Variants in TDRD9 observed in about 807,000 individuals in gnomAD.
TDRD9 encodes tudor domain containing 9.
A neutral mutation model predicts 172.6 loss-of-function variants in TDRD9; 124 were observed. That is an observed-to-expected ratio of 0.72 (90% CI 0.62 to 0.83). The LOEUF is 0.83. Ranked by LOEUF, TDRD9 falls within the 40% of genes least tolerant of loss-of-function variation. TDRD9 has a pLI of 0.00. For missense variants in TDRD9, 1,479 were observed against 1,714.1 expected, an observed-to-expected ratio of 0.86 and a Z score of 2.42; for synonymous variants, 619 against 617.1, an observed-to-expected ratio of 1.00 and a Z score of -0.05.
intron 30 of TDRD9, among the ~76,000 whole-genome samples, chr14:104,033,196 T>C (rs2035339021): frequency 6.6e-6 from 1 of 152,202 alleles, no homozygotes; most frequent in South Asian, 2.1e-4. Flanking sequence ...TCAAAATGTC[T>C]TCCGGGGAGC....
intron 34 of TDRD9, among the ~76,000 whole-genome samples, chr14:104,045,432 G>A (rs1431276253): frequency 2.1e-5 from 2 of 93,374 alleles, no homozygotes; most frequent in Non-Finnish European, 4.6e-5. Context: ...CAGATCTTTT[G>A]CCCATTTTTA....
intron 1 of TDRD9, among the ~76,000 whole-genome samples, chr14:103,950,761 A>G (rs564963993): frequency 1.1e-4 from 17 of 152,348 alleles, no homozygotes; most frequent in African/African-American, 3.8e-4. Context: ...AAATGGAGTC[A>G]TTAATGTTAA....
chr14:103,975,378 T>C lies in TDRD9; in HGVS notation c.847-11T>C. 1 of 1,606,042 alleles carries C rather than the reference T, an allele frequency of 6.2e-7. No homozygotes were observed. The highest frequency in any genetic ancestry group is 8.5e-7 in the Non-Finnish European group (1 of 1,175,894). ...CATTGTTTTATTTGAATGTTTTCTC[T>C]TACTCTGTAGGTGGTCCTGATGTCG... On this transcript the variant is annotated splice_polypyrimidine_tract_variant and intron_variant, in intron 6 of 35. Transcript: ENST00000409874.
At chr14:104,050,693 A>T (rs1431108169) in intron 35 of TDRD9, among the ~76,000 whole-genome samples, 1 of 152,162 alleles carries the variant, frequency 6.6e-6, no homozygotes, top group Non-Finnish European at 1.5e-5. Context: ...CCCAAGGCTG[A>T]TCCTGGCAGC....
intron 33 of TDRD9, among the ~76,000 whole-genome samples, 173 bp downstream of exon 33, chr14:104,040,507 T>A (rs2035583182): frequency 6.6e-6 from 1 of 152,218 alleles, no homozygotes; most frequent in East Asian, 1.9e-4. Flanking sequence ...GGACCGCTCC[T>A]TAACTTGCCA....
At chr14:104,046,202 G>A (rs1477139044) in intron 34 of TDRD9, among the ~76,000 whole-genome samples, 6 of 152,160 alleles carry the variant, frequency 3.9e-5, no homozygotes, top group Admixed American at 6.5e-5. Flanking sequence ...TGATCTGCCC[G>A]CCTCAGCCTC....
intron 8 of TDRD9, among the ~76,000 whole-genome samples, chr14:103,988,170 G>A (rs2033742018): frequency 7.0e-6 from 1 of 143,176 alleles, no homozygotes; most frequent in Non-Finnish European, 1.5e-5. Flanking sequence ...AACATATTCT[G>A]AGTGGGATAT....
chr14:103,966,891 G>T, intron 5 of TDRD9, 60 bp downstream of exon 5: 1 of 1,471,404 alleles, frequency 6.8e-7, no homozygotes. Flanking sequence ...AACTCTCAGA[G>T]TATTGTGAAC....
chr14:103,932,704 T>C (rs1471445485), intron 1 of TDRD9, among the ~76,000 whole-genome samples: 3 of 152,108 alleles, frequency 2.0e-5, no homozygotes, highest in Non-Finnish European at 4.4e-5. Flanking sequence ...ATGGCTTTTA[T>C]AAGCATAGGG....
chr14:104,005,206 G>A, intron 14 of TDRD9, 68 bp from the exon 15 acceptor site: 2 of 1,546,666 alleles, frequency 1.3e-6, no homozygotes, highest in Non-Finnish European at 1.8e-6. Flanking sequence ...CTGAAGCACT[G>A]GTTATGTGAA....
chr14:104,019,355 T>C (rs1473896293), intron 23 of TDRD9, among the ~76,000 whole-genome samples: 1 of 152,092 alleles, frequency 6.6e-6, no homozygotes, highest in Non-Finnish European at 1.5e-5. Context: ...CTTTTTTTTG[T>C]TTTATTATTT....
At chr14:103,977,097 G>C (rs1042381928) in intron 7 of TDRD9, among the ~76,000 whole-genome samples, 1 of 152,102 alleles carries the variant, frequency 6.6e-6, no homozygotes, top group African/African-American at 2.4e-5. Flanking sequence ...TTGCATTTCC[G>C]TGACAATTGG....
chr14:103,939,743 G>GTTTTTTTTTGTTT (rs2031079974), intron 1 of TDRD9: 1 of 17,448 alleles, frequency 5.7e-5, no homozygotes, highest in Non-Finnish European at 1.2e-4. Flanking sequence ...GAAAAAAAGT[G>GTTTTTTTTTGTTT]TTTTTTTTTT....
At chr14:103,930,168 T>G (rs775387872) in intron 1 of TDRD9, among the ~76,000 whole-genome samples, 19 of 151,732 alleles carry the variant, frequency 1.3e-4, no homozygotes, top group Admixed American at 5.2e-4. Flanking sequence ...GTTGAGAAGG[T>G]GGTTTTGTTT....
chr14:104,032,190 G>T, intron 30 of TDRD9, 103 bp downstream of exon 30: 1 of 695,040 alleles, frequency 1.4e-6, no homozygotes, highest in Non-Finnish European at 2.3e-6. Flanking sequence ...GTTGGAATGT[G>T]TTATCTTTTC....
intron 8 of TDRD9, 53 bp from the exon 9 acceptor site, chr14:103,991,107 C>T: frequency 6.2e-7 from 1 of 1,600,104 alleles, no homozygotes; most frequent in Non-Finnish European, 8.6e-7. Context: ...TTTAGAGAAG[C>T]AATAGCTGTT....
intron 5 of TDRD9, among the ~76,000 whole-genome samples, 165 bp from the exon 6 acceptor site, chr14:103,970,376 G>A (rs1423949780): frequency 6.6e-6 from 1 of 152,184 alleles, no homozygotes; most frequent in Non-Finnish European, 1.5e-5. Flanking sequence ...GTTGGCCGAT[G>A]CTCTTTGCTT....
chr14:104,032,703 G>T (rs1186743209), intron 30 of TDRD9, among the ~76,000 whole-genome samples: 1 of 152,214 alleles, frequency 6.6e-6, no homozygotes, highest in Non-Finnish European at 1.5e-5. Context: ...GCAGTGTGTG[G>T]TTTGGGGCAA....
At chr14:103,943,069 CTT>C (rs1166150244) in intron 1 of TDRD9, among the ~76,000 whole-genome samples, 1 of 151,670 alleles carries the variant, frequency 6.6e-6, no homozygotes, top group Non-Finnish European at 1.5e-5. Flanking sequence ...GGATGAAAAA[CTT>C]ATATTTACTA....
Sources: allele counts gnomAD v4.1 joint callset (sites outside exome capture counted in the v4.1 genomes callset), GRCh38; gene constraint gnomAD v4.1.1; transcripts MANE v1.5; gene names NCBI Gene and HGNC (gene_info 2026-07-23, HGNC 2026-07-21).